COL8A1: variants seen among roughly 807,000 people sequenced by gnomAD.
COL8A1 encodes collagen type VIII alpha 1 chain.
COL8A1 carries 21 observed loss-of-function variants against 42.7 expected under a neutral mutation model. That is an observed-to-expected ratio of 0.49 (90% CI 0.35 to 0.71). The LOEUF is 0.71. COL8A1 is among the 30% of genes least tolerant of loss of function. COL8A1 has a pLI of 0.01. For synonymous variants in COL8A1, 367 were observed against 369.1 expected, an observed-to-expected ratio of 0.99 and a Z score of 0.06; for missense variants, 788 against 962.4, an observed-to-expected ratio of 0.82 and a Z score of 2.40.
chr3:99,792,532 A>G (rs1942021392), intron 3 of COL8A1, among the ~76,000 whole-genome samples: 1 of 152,224 alleles, frequency 6.6e-6, no homozygotes, highest in Admixed American at 6.5e-5. Context: ...GTGTATTTCA[A>G]TAACAATTTG....
At chr3:99,643,165 G>C (rs935116233) in intron 1 of COL8A1, among the ~76,000 whole-genome samples, 3 of 152,204 alleles carry the variant, frequency 2.0e-5, no homozygotes, top group Non-Finnish European at 4.4e-5. Context: ...GCTTAATCTT[G>C]AATAACTGCA....
In COL8A1 at chr3:99,798,744, A is replaced by G. The variant is rs913182381; in HGVS notation, c.*2608A>G. ...AAGAGGAGCAACATCTATGCCAAATACTGTGCATTCTACAATGGTGCTAAT... is the reference window on the plus strand; with the variant it reads ...AAGAGGAGCAACATCTATGCCAAATGCTGTGCATTCTACAATGGTGCTAAT... On this transcript the variant is annotated 3_prime_UTR_variant, in exon 4 of 4. Coordinates refer to ENST00000652472, the MANE Select transcript of COL8A1 (RefSeq NM_020351.4). 1.3e-5 allele frequency: 2 copies of G among 152,252 alleles called. No individual in the cohort carries two copies. Among genetic ancestry groups the G allele is most frequent in the African/African-American group, 2.4e-5 (1 of 41,470 alleles). 9.4% of individuals were successfully genotyped at this position (152,252 alleles called of 1,614,324 possible). A position where few individuals can be genotyped will look rare whatever the true frequency, so the allele number is the denominator to read the frequency against.
intron 3 of COL8A1, among the ~76,000 whole-genome samples, chr3:99,792,989 A>C (rs1424296142): frequency 6.6e-6 from 1 of 152,158 alleles, no homozygotes; most frequent in Non-Finnish European, 1.5e-5. Context: ...CTTGGCCATA[A>C]ATTATTATAT....
At chr3:99,778,827 AG>A (rs1941742595) in intron 2 of COL8A1, among the ~76,000 whole-genome samples, 1 of 152,136 alleles carries the variant, frequency 6.6e-6, no homozygotes, top group South Asian at 2.1e-4. Context: ...CACTTAGAAA[AG>A]GGGTAGGCAG....
intron 1 of COL8A1, among the ~76,000 whole-genome samples, chr3:99,656,773 T>TA (rs1285663963): frequency 2.0e-5 from 3 of 152,194 alleles, no homozygotes; most frequent in African/African-American, 4.8e-5. Context: ...TGCTCCTGCA[T>TA]AAAAAACTAG....
chr3:99,737,096 T>C (rs1488190974), intron 1 of COL8A1, among the ~76,000 whole-genome samples: 3 of 152,222 alleles, frequency 2.0e-5, no homozygotes, highest in Non-Finnish European at 2.9e-5. Flanking sequence ...TAGATCTTCC[T>C]CCATCCTTTT....
At chr3:99,650,861 G>A (rs529746328) in intron 1 of COL8A1, among the ~76,000 whole-genome samples, 1 of 152,236 alleles carries the variant, frequency 6.6e-6, no homozygotes, top group East Asian at 1.9e-4. Context: ...CTATGGTTTA[G>A]GTCCCTTGGT....
rs567528947 is a variant in COL8A1 at position 99,797,401 on chromosome 3, T to A, written c.*1265T>A. Reference sequence around the variant, plus strand: ...AATTGTCCTGTCTCAGCCTCCCGAGTACTGGGACTACTGTCTTGCGCCACC... The same window carrying A: ...AATTGTCCTGTCTCAGCCTCCCGAGAACTGGGACTACTGTCTTGCGCCACC... On this transcript the variant is annotated 3_prime_UTR_variant, in exon 4 of 4. Coordinates refer to ENST00000652472, the MANE Select transcript of COL8A1 (RefSeq NM_020351.4). 2 of 152,184 alleles carry A rather than the reference T, an allele frequency of 1.3e-5. No homozygotes were observed. The highest frequency in any genetic ancestry group is 4.2e-4 in the South Asian group (2 of 4,814). 9.4% of individuals were successfully genotyped at this position (152,184 alleles called of 1,614,324 possible). A position where few individuals can be genotyped will look rare whatever the true frequency, so the allele number is the denominator to read the frequency against.
rs2107460536 is a variant in COL8A1, at chr3:99,795,449, C to T, written c.1548C>T (p.Gly516=). Residue 516 remains glycine, a synonymous_variant, in exon 4 of 4, where the codon GGC becomes GGT. Transcript: ENST00000652472. ...SGPIGPPGIP[G]PKGEPGLPGP... is the part of the protein sequence containing the mutation. ...CCATTGGACCACCTGGGATTCCAGG[C>T]CCCAAAGGGGAGCCGGGCCTCCCAG... 6.6e-7 allele frequency: 1 copy of T among 1,517,886 alleles called. No individual in the cohort carries two copies. The highest frequency in any genetic ancestry group is 8.8e-7 in the Non-Finnish European group (1 of 1,131,128). The allele number at this position is 1,517,886 out of a possible 1,614,324, so 94.0% of individuals were successfully genotyped here.
intron 2 of COL8A1, among the ~76,000 whole-genome samples, chr3:99,781,631 C>CA (rs1941795497): frequency 6.6e-6 from 1 of 152,260 alleles, no homozygotes; most frequent in Admixed American, 6.5e-5. Flanking sequence ...CTCTCCCTTG[C>CA]AAAAGGCCTT....
rs147997370 is a variant in COL8A1 at position 99,690,142 on chromosome 3, T to C, written c.-129+51478T>C. 2.6e-5 allele frequency among the ~76,000 whole-genome samples: 4 copies of C among 152,322 alleles called. No individual in the cohort carries two copies. In the East Asian group the frequency reaches 7.7e-4, roughly 29 times the overall value. ...GTTTGTTAGTTCTACAGGATCTTAATAGGCATTACATGAGGAAGAGTGGGT... is the reference window on the plus strand; with the variant it reads ...GTTTGTTAGTTCTACAGGATCTTAACAGGCATTACATGAGGAAGAGTGGGT... On this transcript the variant is annotated intron_variant, in intron 1 of 3. Transcript: ENST00000652472.
intron 1 of COL8A1, among the ~76,000 whole-genome samples, chr3:99,734,497 C>G (rs895783169): frequency 1.3e-4 from 19 of 151,704 alleles, no homozygotes; most frequent in African/African-American, 4.4e-4. Flanking sequence ...CTGTTCTCTT[C>G]CATTGAACTA....
rs181097842 is a variant in COL8A1 at position 99,725,353 on chromosome 3, A to T, written c.-128-19544A>T. ...TACTGTAAAATGTTACATTTCCTGA[A>T]AGAAGCAGCACATCATAAAGTGTTT... On this transcript the variant is annotated intron_variant, in intron 1 of 3. Coordinates refer to ENST00000652472, the MANE Select transcript of COL8A1 (RefSeq NM_020351.4). Among the ~76,000 whole-genome samples, 3 of 152,114 alleles carry T rather than the reference A, an allele frequency of 2.0e-5. No individual in the cohort carries two copies. The East Asian group carries it at 5.8e-4, about 29-fold the overall frequency.
chr3:99,787,254 A>G (rs552995177), intron 2 of COL8A1, among the ~76,000 whole-genome samples: 1 of 152,308 alleles, frequency 6.6e-6, no homozygotes, highest in African/African-American at 2.4e-5. Flanking sequence ...TCATATGAGG[A>G]ATCTGAAATT....
chr3:99,648,827 A>G (rs1029539511), intron 1 of COL8A1, among the ~76,000 whole-genome samples: 1 of 152,202 alleles, frequency 6.6e-6, no homozygotes, highest in African/African-American at 2.4e-5. Context: ...TAGCCAGATG[A>G]TGACAGTAAA....
intron 1 of COL8A1, among the ~76,000 whole-genome samples, chr3:99,733,080 G>A (rs1305517913): frequency 1.4e-5 from 2 of 148,052 alleles, no homozygotes; most frequent in African/African-American, 2.5e-5. Context: ...CTCTACTCCT[G>A]TGGCTTTGCA....
In COL8A1 at chr3:99,716,824, CT is replaced by C. The variant is rs1173589831; in HGVS notation, c.-128-28072del. ...GTCTCAATCCTCATGACTACAAATG[CT>C]ATTATTAGTCATAAGGTTGTTCAGT... is the stretch of plus-strand genomic sequence containing the variant. On this transcript the variant is annotated intron_variant, in intron 1 of 3. Transcript: ENST00000652472. Among the ~76,000 whole-genome samples, 3 of 152,024 alleles carry C rather than the reference CT, an allele frequency of 2.0e-5. No individual in the cohort carries two copies. The East Asian group carries it at 5.8e-4, about 29-fold the overall frequency.
At chr3:99,670,765 C>A (rs1025442188) in intron 1 of COL8A1, among the ~76,000 whole-genome samples, 1 of 152,060 alleles carries the variant, frequency 6.6e-6, no homozygotes. Context: ...TTTCCTCCCT[C>A]CCCATACCCT....
chr3:99,658,934 A>G (rs891320662), intron 1 of COL8A1, among the ~76,000 whole-genome samples: 1 of 152,172 alleles, frequency 6.6e-6, no homozygotes, highest in Non-Finnish European at 1.5e-5. Flanking sequence ...TACCTGCGTC[A>G]TGATTCCACA....
Sources: allele counts gnomAD v4.1 joint callset (sites outside exome capture counted in the v4.1 genomes callset), GRCh38; gene constraint gnomAD v4.1.1; transcripts MANE v1.5; gene names NCBI Gene and HGNC (gene_info 2026-07-23, HGNC 2026-07-21).